CHPF2: variants seen among roughly 807,000 people sequenced by gnomAD.
The protein encoded by CHPF2 is chondroitin polymerizing factor 2.
Under a neutral mutation model 63.0 loss-of-function variants are expected in CHPF2, and 58 were observed. That is an observed-to-expected ratio of 0.92 (90% CI 0.75 to 1.15). The LOEUF is 1.15. Ranked by LOEUF, CHPF2 falls within the 50% of genes most tolerant of loss-of-function variation. The pLI is 0.00. For synonymous variants in CHPF2, 442 were observed against 438.0 expected, an observed-to-expected ratio of 1.01 and a Z score of -0.11; for missense variants, 1,045 against 1,035.4, an observed-to-expected ratio of 1.01 and a Z score of -0.13.
chr7:151,234,298 T>C, intron 1 of CHPF2, 24 bp downstream of exon 1: 7 of 1,489,376 alleles, frequency 4.7e-6, no homozygotes, highest in Non-Finnish European at 6.3e-6. Flanking sequence ...GTGTGCATAG[T>C]CCCCAGACAC....
rs1802507474 is a variant in CHPF2 at position 151,232,762 on chromosome 7, TCGATGCTGTCTCTGGC to T, written c.-1249_-1234del. 1 of 1,508,532 alleles carries T rather than the reference TCGATGCTGTCTCTGGC, an allele frequency of 6.6e-7. No individual in the cohort carries two copies. The highest frequency in any genetic ancestry group is 1.4e-5 in the African/African-American group (1 of 69,342). The allele number at this position is 1,508,532 out of a possible 1,614,324, so 93.4% of individuals were successfully genotyped here. ...CCCTCCTGGTCCTGCGCTCGCGGCCTCGATGCTGTCTCTGGCGCGGCCTCCGCTCCCGCCGACTGGC... is the reference window on the plus strand; with the variant it reads ...CCCTCCTGGTCCTGCGCTCGCGGCCTGCGGCCTCCGCTCCCGCCGACTGGC... On this transcript the variant is annotated 5_prime_UTR_variant, in exon 1 of 4. An upstream start codon of the reference 5' UTR is lost. Coordinates refer to ENST00000035307, the MANE Select transcript of CHPF2 (RefSeq NM_019015.3).
In CHPF2 at chr7:151,233,268, C is replaced by G. The variant is rs1563627158; in HGVS notation, c.-744C>G. The G allele has an allele frequency of 1.0e-6, 1 of 991,638 alleles. No homozygotes were observed. The highest frequency in any genetic ancestry group is 1.2e-6 in the Non-Finnish European group (1 of 834,252). 61.4% of individuals were successfully genotyped at this position (991,638 alleles called of 1,614,324 possible). ...AGATGGCTCCATCGGCCATGGCGCT[C>G]CTGAGAGGCTGTCAGTGCTGAGTCA... On this transcript the variant is annotated 5_prime_UTR_variant, in exon 1 of 4. Transcript: ENST00000035307.
Position 151,236,598 on chromosome 7 carries a change from G to A in CHPF2, c.1011+8G>A, listed in dbSNP as rs756541130. 1 of 1,561,054 alleles carries A rather than the reference G, an allele frequency of 6.4e-7. No homozygotes were observed. The highest frequency in any genetic ancestry group is 8.7e-7 in the Non-Finnish European group (1 of 1,146,844). ...GAAATAGAACAACTGCAGGTGAGCT[G>A]AAGAGGAGCAGGTGGGCAGAGGACC... On this transcript the variant is annotated splice_region_variant and intron_variant, in intron 3 of 3. Coordinates refer to ENST00000035307, the MANE Select transcript of CHPF2 (RefSeq NM_019015.3).
chr7:151,238,358 C>A lies in CHPF2; in HGVS notation c.1996C>A (p.Arg666=), dbSNP rs143363103. The A allele has an allele frequency of 6.2e-7, 1 of 1,608,390 alleles. No homozygotes were observed. Among genetic ancestry groups the A allele is most frequent in the Non-Finnish European group, 8.5e-7 (1 of 1,177,048 alleles). The change falls in exon 4 of 4, where the codon CGG becomes AGG. Residue 666 remains arginine (R), a synonymous_variant. Coordinates refer to ENST00000035307, the MANE Select transcript of CHPF2 (RefSeq NM_019015.3). ...RGAPIGGRFD[R]QASAEGCFYN... Reference sequence around the variant, plus strand: ...GGCTCCTATAGGGGGGAGATTTGACCGGCAGGCTTCTGCGGAGGGCTGCTT... The same window carrying A: ...GGCTCCTATAGGGGGGAGATTTGACAGGCAGGCTTCTGCGGAGGGCTGCTT...
At position 151,238,292 on chromosome 7, in the gene CHPF2, C is replaced by T; in HGVS notation, c.1930C>T (p.Pro644Ser). 2.5e-6 allele frequency: 4 copies of T among 1,610,834 alleles called. No homozygotes were observed. Among genetic ancestry groups the T allele is most frequent in the Non-Finnish European group, 3.4e-6 (4 of 1,178,570 alleles). Reference sequence around the variant, plus strand: ...ACCCCCAGGGCCCCCGGGGGCTGGCCCTGACCCCCCCTCCCCTCCTGGTGC... The same window carrying T: ...ACCCCCAGGGCCCCCGGGGGCTGGCTCTGACCCCCCCTCCCCTCCTGGTGC... ...RSPPGPPGAGPDPPSPPGADP... is the reference protein window; with the variant it reads ...RSPPGPPGAGSDPPSPPGADP... The change falls in exon 4 of 4, where the codon CCT becomes TCT. Residue 644 changes from proline to serine, a missense_variant. Pro to Ser is a moderately conservative substitution (Grantham distance 74). Coordinates refer to ENST00000035307, the MANE Select transcript of CHPF2 (RefSeq NM_019015.3).
rs1231863119 is a variant in CHPF2, at chr7:151,232,720, C to T, written c.-1292C>T. The T allele has an allele frequency of 4.0e-6, 6 of 1,500,126 alleles. No individual in the cohort carries two copies. In the Admixed American group the frequency reaches 1.3e-4, roughly 31 times the overall value. 92.9% of individuals were successfully genotyped at this position (1,500,126 alleles called of 1,614,324 possible). ...CGGCCCTGAAACCCGGGCCTCCTCC[C>T]CGAGGGCCTTGGGCGTCCCTCCTGG... On this transcript the variant is annotated 5_prime_UTR_variant, in exon 1 of 4. Coordinates refer to ENST00000035307, the MANE Select transcript of CHPF2 (RefSeq NM_019015.3).
Position 151,235,153 on chromosome 7 carries a change from G to T in CHPF2, c.369G>T (p.Thr123=). 6.2e-7 allele frequency: 1 copy of T among 1,613,292 alleles called. No individual in the cohort carries two copies. The highest frequency in any genetic ancestry group is 8.5e-7 in the Non-Finnish European group (1 of 1,179,632). The change falls in exon 2 of 4, where the codon ACG becomes ACT. Residue 123 remains threonine (T), a synonymous_variant. Coordinates refer to ENST00000035307, the MANE Select transcript of CHPF2 (RefSeq NM_019015.3). ...CTTTGGCCGTGGCTGTGAACCGTAC[G>T]GTGGCCCATCACTTCCCTCGGTTAC... is the stretch of plus-strand genomic sequence containing the variant. ...LSTLAVAVNR[T]VAHHFPRLLY...
Position 151,236,608 on chromosome 7 carries a change from A to G in CHPF2, c.1011+18A>G. 6.5e-7 allele frequency: 1 copy of G among 1,541,978 alleles called. No individual in the cohort carries two copies. The highest frequency in any genetic ancestry group is 8.8e-7 in the Non-Finnish European group (1 of 1,138,254). Reference sequence around the variant, plus strand: ...AACTGCAGGTGAGCTGAAGAGGAGCAGGTGGGCAGAGGACCGCAGTCAGAG... The same window carrying G: ...AACTGCAGGTGAGCTGAAGAGGAGCGGGTGGGCAGAGGACCGCAGTCAGAG... On this transcript the variant is annotated intron_variant, in intron 3 of 3. Transcript: ENST00000035307.
At chr7:151,237,156 CA>C (rs1802686309) in intron 3 of CHPF2, 9 of 624,976 alleles carry the variant, frequency 1.4e-5, no homozygotes, top group Non-Finnish European at 2.6e-5. Flanking sequence ...ACCTCCTTCT[CA>C]TGGCATTTGT....
chr7:151,234,478 C>T (rs1012834458), intron 1 of CHPF2, among the ~76,000 whole-genome samples: 1 of 152,038 alleles, frequency 6.6e-6, no homozygotes, highest in African/African-American at 2.4e-5. Context: ...AATTAGGGTT[C>T]GATGTTTTTT....
chr7:151,237,461 C>T lies in CHPF2; in HGVS notation c.1099C>T (p.His367Tyr), dbSNP rs759938427. ...PVGLPAPFTP[H>Y]SRFEVLGWDY... ...TGGGCTCCCTGCTCCTTTCACACCACACTCTCGCTTTGAGGTGCTGGGCTG... is the reference window on the plus strand; with the variant it reads ...TGGGCTCCCTGCTCCTTTCACACCATACTCTCGCTTTGAGGTGCTGGGCTG... Residue 367 changes from histidine to tyrosine, a missense_variant, in exon 4 of 4, where the codon CAC becomes TAC. His to Tyr is a moderately conservative substitution (Grantham distance 83). Coordinates refer to ENST00000035307, the MANE Select transcript of CHPF2 (RefSeq NM_019015.3). 6.8e-6 allele frequency: 11 copies of T among 1,613,964 alleles called. No homozygotes were observed. In the Admixed American group the frequency reaches 1.7e-4, roughly 24 times the overall value.
intron 3 of CHPF2, chr7:151,237,065 TGA>T (rs1389507375): frequency 1.7e-6 from 1 of 601,418 alleles, no homozygotes; most frequent in African/African-American, 1.8e-5. Flanking sequence ...GAAGAGGATG[TGA>T]GTCCTTTGGG....
chr7:151,236,122 A>G (rs1043149850), intron 2 of CHPF2, among the ~76,000 whole-genome samples: 4 of 152,210 alleles, frequency 2.6e-5, no homozygotes, highest in African/African-American at 9.6e-5. Flanking sequence ...CATTATTATT[A>G]TTTTTAATAT....
chr7:151,235,638 A>C (rs762873375), intron 2 of CHPF2, 26 bp downstream of exon 2: 2 of 1,577,424 alleles, frequency 1.3e-6, no homozygotes, highest in African/African-American at 2.7e-5. Context: ...AGTCAGTCCC[A>C]GTCCCTGATA....
chr7:151,233,855 C>T lies in CHPF2; in HGVS notation c.-157C>T. On this transcript the variant is annotated 5_prime_UTR_variant, in exon 1 of 4. Transcript: ENST00000035307. ...AGACAGGACAATCTTCTTGGGGATG[C>T]TGGTCCTGGAAGCCAGCGGGCCTCG... The T allele has an allele frequency of 7.9e-7, 1 of 1,270,404 alleles. No homozygotes were observed. Among genetic ancestry groups the T allele is most frequent in the Non-Finnish European group, 9.9e-7 (1 of 1,009,578 alleles). The allele number at this position is 1,270,404 out of a possible 1,614,324, so 78.7% of individuals were successfully genotyped here.
rs771744069 is a variant in CHPF2 at position 151,236,451 on chromosome 7, C to T, written c.872C>T (p.Pro291Leu). The T allele has an allele frequency of 9.4e-6, 15 of 1,603,784 alleles. No individual in the cohort carries two copies. The South Asian group carries it at 1.1e-4, about 12-fold the overall frequency. Reference sequence around the variant, plus strand: ...TTTGAACTGGCCAAAAATAGGGACCCTGAGAAGGAAGGGAGCTCGGCTTTC... The same window carrying T: ...TTTGAACTGGCCAAAAATAGGGACCTTGAGAAGGAAGGGAGCTCGGCTTTC... Reference protein sequence around the residue: ...RSFELAKNRDPEKEGSSAFLS... With the variant: ...RSFELAKNRDLEKEGSSAFLS... The change falls in exon 3 of 4, where the codon CCT becomes CTT. Residue 291 changes from proline (P) to leucine (L), a missense_variant. Coordinates refer to ENST00000035307, the MANE Select transcript of CHPF2 (RefSeq NM_019015.3).
chr7:151,234,148 T>C lies in CHPF2; in HGVS notation c.137T>C (p.Val46Ala), dbSNP rs868462953. ...GEGEDPCVEA[V>A]GERGGPQNPD... ...GGAGAAGATCCCTGTGTCGAGGCTG[T>C]AGGGGAGCGAGGAGGGCCACAGAAT... is the stretch of plus-strand genomic sequence containing the variant. Residue 46 changes from valine to alanine, a missense_variant, in exon 1 of 4, where the codon GTA becomes GCA. Val to Ala is a moderately conservative substitution (Grantham distance 64). Transcript: ENST00000035307. The C allele has an allele frequency of 2.5e-6, 4 of 1,613,384 alleles. No individual in the cohort carries two copies. In the African/African-American group the frequency reaches 4.0e-5, roughly 16 times the overall value.
At position 151,235,173 on chromosome 7, in the gene CHPF2, G is replaced by A. The variant is rs755291199; in HGVS notation, c.389G>A (p.Arg130Gln). Residue 130 changes from arginine (R) to glutamine (Q), a missense_variant, in exon 2 of 4, where the codon CGG becomes CAG. Coordinates refer to ENST00000035307, the MANE Select transcript of CHPF2 (RefSeq NM_019015.3). Reference sequence around the variant, plus strand: ...CGTACGGTGGCCCATCACTTCCCTCGGTTACTCTACTTCACTGGGCAGCGG... The same window carrying A: ...CGTACGGTGGCCCATCACTTCCCTCAGTTACTCTACTTCACTGGGCAGCGG... ...VNRTVAHHFP[R>Q]LLYFTGQRGA... 12 of 1,613,358 alleles carry A rather than the reference G, an allele frequency of 7.4e-6. No homozygotes were observed. The highest frequency in any genetic ancestry group is 2.2e-5 in the East Asian group (1 of 44,856).
chr7:151,236,329 G>GA, intron 2 of CHPF2, 79 bp from the exon 3 acceptor site: 2 of 1,273,418 alleles, frequency 1.6e-6, no homozygotes, highest in Non-Finnish European at 2.2e-6. Flanking sequence ...TAACAGATGT[G>GA]AACACTGAGT....
Sources: allele counts gnomAD v4.1 joint callset (sites outside exome capture counted in the v4.1 genomes callset), GRCh38; gene constraint gnomAD v4.1.1; transcripts MANE v1.5; gene names NCBI Gene and HGNC (gene_info 2026-07-23, HGNC 2026-07-21).